The following NKAIN3 variants were observed in gnomAD, a reference collection of about 807,000 sequenced individuals.
NKAIN3 encodes the protein sodium/potassium transporting ATPase interacting 3.
NKAIN3 carries 25 observed loss-of-function variants against 30.2 expected under a neutral mutation model. The ratio of observed to expected loss-of-function variants is 0.83; its 90% CI spans 0.60 to 1.16. The LOEUF is 1.16. Ranked by LOEUF, NKAIN3 falls within the 50% of genes most tolerant of loss-of-function variation. NKAIN3 has a pLI of 0.00. For synonymous variants in NKAIN3, 91 were observed against 89.6 expected, an observed-to-expected ratio of 1.02 and a Z score of -0.09; for missense variants, 225 against 254.1, an observed-to-expected ratio of 0.89 and a Z score of 0.78.
chr8:62,252,840 A>G (rs1812152350), intron 1 of NKAIN3, among the ~76,000 whole-genome samples: 1 of 152,238 alleles, frequency 6.6e-6, no homozygotes, highest in Admixed American at 6.5e-5. Context: ...AAAAAGAAGC[A>G]CTTGATCATG....
intron 4 of NKAIN3, among the ~76,000 whole-genome samples, chr8:62,849,938 A>G (rs927776741): frequency 6.6e-6 from 1 of 152,092 alleles, no homozygotes; most frequent in Admixed American, 6.6e-5. Context: ...TCTTTATAGC[A>G]GCATGATTTA....
At chr8:62,318,810 T>C (rs1440341705) in intron 1 of NKAIN3, among the ~76,000 whole-genome samples, 3 of 152,182 alleles carry the variant, frequency 2.0e-5, no homozygotes, top group African/African-American at 4.8e-5. Context: ...TTGTTGTGTC[T>C]CTGCCAGGCT....
chr8:62,361,512 T>C (rs1370623078), intron 1 of NKAIN3, among the ~76,000 whole-genome samples: 2 of 152,254 alleles, frequency 1.3e-5, no homozygotes, highest in East Asian at 3.8e-4. Context: ...TTATTTAGCT[T>C]ATAGTGACCT....
chr8:62,827,767 A>AT, intron 4 of NKAIN3, among the ~76,000 whole-genome samples: 1 of 152,316 alleles, frequency 6.6e-6, no homozygotes, highest in South Asian at 2.1e-4. Context: ...AGCTTCAACC[A>AT]TTGGCAATAC....
At chr8:62,368,083 T>A (rs918540876) in intron 1 of NKAIN3, among the ~76,000 whole-genome samples, 46 of 152,202 alleles carry the variant, frequency 3.0e-4, no homozygotes, top group African/African-American at 1.0e-3. Flanking sequence ...CACAAATAAA[T>A]GGAAAGATAT....
At chr8:62,859,421 T>A (rs1017956017) in intron 4 of NKAIN3, among the ~76,000 whole-genome samples, 2 of 148,862 alleles carry the variant, frequency 1.3e-5, no homozygotes, top group Non-Finnish European at 3.0e-5. Flanking sequence ...GCCAAGCTTG[T>A]CTGGCTCATC....
chr8:62,798,598 G>A (rs1018437037), intron 4 of NKAIN3, among the ~76,000 whole-genome samples: 1 of 151,620 alleles, frequency 6.6e-6, no homozygotes, highest in Non-Finnish European at 1.5e-5. Flanking sequence ...ACAAAAGAAA[G>A]TAAAAATAAA....
intron 3 of NKAIN3, among the ~76,000 whole-genome samples, chr8:62,722,329 G>T (rs766191651): frequency 6.6e-6 from 1 of 152,104 alleles, no homozygotes; most frequent in African/African-American, 2.4e-5. Context: ...TTAAGTAGTG[G>T]CTTGGAAGCC....
chr8:62,277,824 G>C (rs924146449), intron 1 of NKAIN3, among the ~76,000 whole-genome samples: 13 of 152,160 alleles, frequency 8.5e-5, no homozygotes, highest in African/African-American at 2.4e-4. Context: ...ACTCTTTTGA[G>C]GGTAATAGCT....
intron 3 of NKAIN3, among the ~76,000 whole-genome samples, chr8:62,629,385 C>G (rs182969744): frequency 8.5e-4 from 130 of 152,116 alleles, no homozygotes; most frequent in African/African-American, 3.1e-3. Flanking sequence ...TTATTGAATA[C>G]TTATATTTTG....
intron 1 of NKAIN3, among the ~76,000 whole-genome samples, chr8:62,321,185 A>C (rs535933954): frequency 6.6e-6 from 1 of 152,284 alleles, no homozygotes; most frequent in Non-Finnish European, 1.5e-5. Flanking sequence ...AAGCTCCATC[A>C]GGTCCTTTAA....
intron 3 of NKAIN3, among the ~76,000 whole-genome samples, chr8:62,731,617 G>C (rs1815469739): frequency 6.6e-6 from 1 of 152,076 alleles, no homozygotes; most frequent in Non-Finnish European, 1.5e-5. Context: ...AAGTTAGCTC[G>C]GGCTCCCATC....
At chr8:62,505,485 C>T (rs1196826186) in intron 1 of NKAIN3, among the ~76,000 whole-genome samples, 2 of 152,090 alleles carry the variant, frequency 1.3e-5, no homozygotes, top group Non-Finnish European at 2.9e-5. Flanking sequence ...GTATAAGGTT[C>T]TCAATAATAG....
chr8:62,312,932 G>T (rs1814496147), intron 1 of NKAIN3, among the ~76,000 whole-genome samples: 1 of 151,898 alleles, frequency 6.6e-6, no homozygotes. Flanking sequence ...GCTCGAAGTT[G>T]AATATTTAAA....
At chr8:62,934,994 TTCTGCC>T (rs1365016436) in intron 5 of NKAIN3, among the ~76,000 whole-genome samples, 3 of 152,160 alleles carry the variant, frequency 2.0e-5, no homozygotes, top group Non-Finnish European at 4.4e-5. Context: ...AATTCACAAA[TTCTGCC>T]TCCACGGAGT....
intron 1 of NKAIN3, among the ~76,000 whole-genome samples, chr8:62,512,603 G>A (rs189247739): frequency 5.9e-4 from 90 of 152,080 alleles, no homozygotes; most frequent in African/African-American, 2.0e-3. Context: ...TATTCTACTT[G>A]CTAAGTCCTT....
chr8:62,749,681 T>TTTC (rs1554573740), intron 4 of NKAIN3, among the ~76,000 whole-genome samples: 7 of 71,328 alleles, frequency 9.8e-5, no homozygotes, highest in Non-Finnish European at 1.8e-4. Flanking sequence ...TTTCTTTTCT[T>TTTC]TTTTTTTTTT....
intron 4 of NKAIN3, among the ~76,000 whole-genome samples, chr8:62,801,460 T>G (rs928753550): frequency 6.6e-5 from 10 of 152,146 alleles, no homozygotes; most frequent in Non-Finnish European, 1.0e-4. Flanking sequence ...TCGCAGTTCA[T>G]GAAAACCCGC....
intron 4 of NKAIN3, among the ~76,000 whole-genome samples, chr8:62,908,504 A>G (rs1821845184): frequency 1.0e-5 from 1 of 99,886 alleles, no homozygotes; most frequent in African/African-American, 4.8e-5. Flanking sequence ...ATCTTGAATT[A>G]TAGCTCCTAT....
Sources: allele counts gnomAD v4.1 joint callset (sites outside exome capture counted in the v4.1 genomes callset), GRCh38; gene constraint gnomAD v4.1.1; transcripts MANE v1.5; gene names NCBI Gene and HGNC (gene_info 2026-07-23, HGNC 2026-07-21).